The following MDC1 variants were observed in gnomAD, a reference collection of about 807,000 sequenced individuals.
MDC1 encodes mediator of DNA damage checkpoint protein 1.
A neutral mutation model predicts 142.5 loss-of-function variants in MDC1; 81 were observed. That is an observed-to-expected ratio of 0.57 (90% confidence interval 0.47 to 0.68). MDC1 has a LOEUF of 0.68. Among genes scored for constraint, MDC1 ranks in the 30% least tolerant of loss-of-function variants. The pLI is 0.00. For missense variants in MDC1, 2,119 were observed against 2,547.9 expected, an observed-to-expected ratio of 0.83 and a Z score of 3.62; for synonymous variants, 797 against 968.4, an observed-to-expected ratio of 0.82 and a Z score of 3.29.
rs1773728314 is a variant in MDC1, at chr6:30,705,978, G to A, written c.3205C>T (p.Pro1069Ser). 2 of 1,613,488 alleles carry A rather than the reference G, an allele frequency of 1.2e-6. No individual in the cohort carries two copies. Among genetic ancestry groups the A allele is most frequent in the African/African-American group, 1.3e-5 (1 of 74,846 alleles). ...GTTGGCTTGATAGAAGGTAAAAGGGGAGAAAGAAGGGGCGGAGGTGCAAGA... is the reference window on the plus strand; with the variant it reads ...GTTGGCTTGATAGAAGGTAAAAGGGAAGAAAGAAGGGGCGGAGGTGCAAGA... ...KHLAPPPLLS[P>S]LLPSIKPTVR... Residue 1069 changes from proline (P) to serine (S), a missense_variant, in exon 10 of 15, where the codon CCC becomes TCC. Transcript: ENST00000376406.
At chr6:30,710,378 T>C (rs188233313) in intron 7 of MDC1, among the ~76,000 whole-genome samples, 54 of 152,238 alleles carry the variant, frequency 3.5e-4, no homozygotes, top group African/African-American at 1.2e-3. Context: ...CATGAGGCAC[T>C]GTGCCCGGCC....
At position 30,707,797 on chromosome 6, in the gene MDC1, ACT is replaced by A. The variant is rs767249482; in HGVS notation, c.2780_2781del (p.Glu927ValfsTer88). 3.0e-5 allele frequency: 49 copies of A among 1,612,258 alleles called. 1 individual carries two copies. Among genetic ancestry groups the A allele is most frequent in the African/African-American group, 4.0e-5 (3 of 74,604 alleles). On this transcript the variant is annotated frameshift_variant, in exon 8 of 15. Coordinates refer to ENST00000376406, the MANE Select transcript of MDC1 (RefSeq NM_014641.3). LOFTEE classifies it high-confidence loss of function. ...REVERPVANR[E>X]CDPAELEEKV... Reference sequence around the variant, plus strand: ...TTCTCTTCTAACTCGGCTGGATCGCACTCTCTGTTTGCTACTGGTCTCTCTAC... The same window carrying A: ...TTCTCTTCTAACTCGGCTGGATCGCACTCTGTTTGCTACTGGTCTCTCTAC...
In MDC1 at chr6:30,707,754, A is replaced by T; in HGVS notation, c.2825T>A (p.Leu942Gln). ...ELEEKVPKVI[L>Q]ERDTQRGEPE... ...CTCCCCTCTCTGTGTATCTCTCTCCAGGATCACTTTGGGCACCTTCTCTTC... is the reference window on the plus strand; with the variant it reads ...CTCCCCTCTCTGTGTATCTCTCTCCTGGATCACTTTGGGCACCTTCTCTTC... The change falls in exon 8 of 15, where the codon CTG becomes CAG. Residue 942 changes from leucine (L) to glutamine (Q), a missense_variant. Physicochemically the swap from Leu to Gln is moderately radical, Grantham distance 113. Transcript: ENST00000376406. 6.2e-7 allele frequency: 1 copy of T among 1,613,080 alleles called. No homozygotes were observed. The highest frequency in any genetic ancestry group is 8.5e-7 in the Non-Finnish European group (1 of 1,180,024).
At position 30,713,045 on chromosome 6, in the gene MDC1, A is replaced by G. The variant is rs764961152; in HGVS notation, c.897T>C (p.Ser299=). Residue 299 remains serine, a synonymous_variant, in exon 5 of 15, where the codon AGT becomes AGC. Coordinates refer to ENST00000376406, the MANE Select transcript of MDC1 (RefSeq NM_014641.3). The surrounding 1 kb of genome is among the most constrained non-coding windows in gnomAD (Gnocchi z 4.9). ...LERSQPPGED[S]DTDVDDDSRP... ...TGCTGTCATCATCCACATCTGTGTC[A>G]CTGTCCTCTCCAGGAGGTTGGCTCC... 9 of 1,612,938 alleles carry G rather than the reference A, an allele frequency of 5.6e-6. No homozygotes were observed. Among genetic ancestry groups the G allele is most frequent in the Non-Finnish European group, 7.6e-6 (9 of 1,179,912 alleles).
intron 9 of MDC1, among the ~76,000 whole-genome samples, chr6:30,706,619 CT>C (rs1453506114): frequency 0.013 from 546 of 40,474 alleles, 2 homozygotes; most frequent in Admixed American, 0.029. Flanking sequence ...AAGACTCTGT[CT>C]AAAAAAAAAA....
chr6:30,705,029 G>A lies in MDC1; in HGVS notation c.4154C>T (p.Pro1385Leu). Residue 1385 changes from proline (P) to leucine (L), a missense_variant, in exon 10 of 15, where the codon CCT becomes CTT. Pro to Leu is a moderately conservative substitution (Grantham distance 98, BLOSUM62 -3). Coordinates refer to ENST00000376406, the MANE Select transcript of MDC1 (RefSeq NM_014641.3). ...PSTSTEQPVTPEPTSRATRGR... is the reference protein window; with the variant it reads ...PSTSTEQPVTLEPTSRATRGR... The stretch of plus-strand genomic sequence containing the variant: ...CCTAGTAGCCCGAGATGTGGGCTCA[G>A]GGGTGACAGGCTGCTCTGTGGAGGT... The A allele has an allele frequency of 6.2e-7, 1 of 1,612,224 alleles. No individual in the cohort carries two copies. The highest frequency in any genetic ancestry group is 8.5e-7 in the Non-Finnish European group (1 of 1,179,382).
rs1377196178 is a variant in MDC1, at chr6:30,705,344, G to T, written c.3839C>A (p.Thr1280Asn). The T allele has an allele frequency of 6.2e-7, 1 of 1,603,914 alleles. No individual in the cohort carries two copies. The highest frequency in any genetic ancestry group is 2.3e-5 in the East Asian group (1 of 43,392). ...RGRKNRSSVK[T>N]PEPVVPTAPE... ...GGCTGTGGGCACAACTGGTTCAGGG[G>T]TCTTGACAGAGGATCTATTTTTTCT... is the stretch of plus-strand genomic sequence containing the variant. Residue 1280 changes from threonine to asparagine, a missense_variant, in exon 10 of 15, where the codon ACC (threonine) becomes AAC (asparagine). By Grantham distance (65) the Thr-to-Asn change is moderately conservative (BLOSUM62 0). Transcript: ENST00000376406.
chr6:30,700,578 G>A lies in MDC1; in HGVS notation c.6157C>T (p.Leu2053=). ...PQDFPHCSIP[L]RVGLPLLSPE... ...GAGAGGAGGGGCAGCCCAACCCGTA[G>A]TGGAATGGAGCAATGAGGGAAGTCC... is the stretch of plus-strand genomic sequence containing the variant. The change falls in exon 15 of 15, where the codon CTA becomes TTA. Residue 2053 remains leucine (L), a synonymous_variant. Transcript: ENST00000376406. 6.2e-7 allele frequency: 1 copy of A among 1,613,010 alleles called. No individual in the cohort carries two copies. The highest frequency in any genetic ancestry group is 8.5e-7 in the Non-Finnish European group (1 of 1,180,016).
rs115025313 is a variant in MDC1, at chr6:30,711,291, C to T, written c.2221+121G>A. 4.1e-4 allele frequency: 345 copies of T among 848,270 alleles called. 8 individuals carry two copies. The highest frequency in any genetic ancestry group is 2.9e-3 in the African/African-American group (171 of 59,764). The allele number at this position is 848,270 out of a possible 1,614,324, so 52.5% of individuals were successfully genotyped here. On this transcript the variant is annotated intron_variant, in intron 7 of 14. Transcript: ENST00000376406. ...CCTGGGAAGCTGAAGGAAGAGAAAC[C>T]GCCTGGGAGGCGGAGGTTACAGTGA...
intron 14 of MDC1, among the ~76,000 whole-genome samples, chr6:30,701,646 A>T (rs141884962): frequency 0.019 from 2,903 of 152,290 alleles, 40 homozygotes; most frequent in South Asian, 0.064. Flanking sequence ...TTAAGAAGAT[A>T]ATAGGTGTGG....
chr6:30,710,300 G>A (rs1186997797), intron 7 of MDC1, among the ~76,000 whole-genome samples: 1 of 152,148 alleles, frequency 6.6e-6, no homozygotes, highest in African/African-American at 2.4e-5. Flanking sequence ...TGTTGGCCAG[G>A]CTGGTCTCAA....
chr6:30,702,882 G>A lies in MDC1; in HGVS notation c.5866-5C>T. 1 of 1,612,982 alleles carries A rather than the reference G, an allele frequency of 6.2e-7. No individual in the cohort carries two copies. Among genetic ancestry groups the A allele is most frequent in the South Asian group, 1.1e-5 (1 of 91,090 alleles). Reference sequence around the variant, plus strand: ...GAAGAAACCAGCCTTGCGGGACTAAGGACGGCAGCAGTCAGCATCAAAGCT... The same window carrying A: ...GAAGAAACCAGCCTTGCGGGACTAAAGACGGCAGCAGTCAGCATCAAAGCT... On this transcript the variant is annotated splice_polypyrimidine_tract_variant and splice_region_variant and intron_variant, in intron 12 of 14. Coordinates refer to ENST00000376406, the MANE Select transcript of MDC1 (RefSeq NM_014641.3).
Position 30,712,316 on chromosome 6 carries a change from C to T in MDC1, c.1626G>A (p.Gln542=). 1 of 1,613,116 alleles carries T rather than the reference C, an allele frequency of 6.2e-7. No homozygotes were observed. The highest frequency in any genetic ancestry group is 1.1e-5 in the South Asian group (1 of 91,082). The change falls in exon 5 of 15, where the codon CAG becomes CAA. Residue 542 remains glutamine (Q), a synonymous_variant. Transcript: ENST00000376406. The surrounding 1 kb of genome is among the most constrained non-coding windows in gnomAD (Gnocchi z 4.7). ...GSAIIHIKKH[Q]VSVEGTNQTD... ...TTTGATTTGTCCCCTCCACAGACAC[C>T]TGATGCTTCTTTATATGTATAATGG...
Position 30,711,480 on chromosome 6 carries a change from G to T in MDC1, c.2153C>A (p.Pro718His). 1 of 1,613,098 alleles carries T rather than the reference G, an allele frequency of 6.2e-7. No individual in the cohort carries two copies. Among genetic ancestry groups the T allele is most frequent in the Non-Finnish European group, 8.5e-7 (1 of 1,180,016 alleles). ...LEAVQSMEDE[P>H]TQAFMLTPPQ... The stretch of plus-strand genomic sequence containing the variant: ...TGGAGTCAACATGAAGGCCTGGGTA[G>T]GTTCATCCTCCATGCTCTGGACTGC... The change falls in exon 7 of 15, where the codon CCT (proline) becomes CAT (histidine). Residue 718 changes from proline (P) to histidine (H), a missense_variant. Pro to His is a moderately conservative substitution (Grantham distance 77). Transcript: ENST00000376406.
At position 30,712,823 on chromosome 6, in the gene MDC1, C is replaced by A. The variant is rs2127718128; in HGVS notation, c.1119G>T (p.Gln373His). 6.2e-7 allele frequency: 1 copy of A among 1,613,052 alleles called. No homozygotes were observed. The highest frequency in any genetic ancestry group is 8.5e-7 in the Non-Finnish European group (1 of 1,180,014). Residue 373 changes from glutamine (Q) to histidine (H), a missense_variant, in exon 5 of 15, where the codon CAG becomes CAT. Transcript: ENST00000376406. This position sits in a 1 kb window ranked among gnomAD's most constrained non-coding sequence, Gnocchi z 4.7. ...CTTCCACATCTGTATCACTACCAGCCTGGCTCTCCTGCAGATGGGCCAGGC... is the reference window on the plus strand; with the variant it reads ...CTTCCACATCTGTATCACTACCAGCATGGCTCTCCTGCAGATGGGCCAGGC... The part of the protein sequence containing the change: ...APGLAHLQES[Q>H]AGSDTDVEEG...
chr6:30,704,238 T>G lies in MDC1; in HGVS notation c.4945A>C (p.Thr1649Pro). Residue 1649 changes from threonine (T) to proline (P), a missense_variant, in exon 10 of 15, where the codon ACT becomes CCT. Transcript: ENST00000376406. ...RRKTNRSSVK[T>P]PKPVEPAASD... ...GCTGCTGGTTCAACTGGTTTGGGAG[T>G]CTTGACAGAGGACCTATTTGTCTTT... is the stretch of plus-strand genomic sequence containing the variant. 6.2e-7 allele frequency: 1 copy of G among 1,612,870 alleles called. No individual in the cohort carries two copies. The highest frequency in any genetic ancestry group is 8.5e-7 in the Non-Finnish European group (1 of 1,179,668).
chr6:30,711,131 T>C (rs1345707806), intron 7 of MDC1, among the ~76,000 whole-genome samples: 2 of 152,164 alleles, frequency 1.3e-5, no homozygotes, highest in Non-Finnish European at 2.9e-5. Flanking sequence ...TTCCAGCATT[T>C]TGGGAGGCCG....
rs1019891573 is a variant in MDC1 at position 30,706,713 on chromosome 6, C to T, written c.3085-615G>A. ...CTGGGAGGCTGAGGGAGGAGAGTCG[C>T]TTGAACCCGGGAGGCAGAGGTTGCA... On this transcript the variant is annotated intron_variant, in intron 9 of 14. Transcript: ENST00000376406. 2.0e-5 allele frequency among the ~76,000 whole-genome samples: 3 copies of T among 149,506 alleles called. No homozygotes were observed. The Admixed American group carries it at 2.0e-4, about 10-fold the overall frequency.
In MDC1 at chr6:30,705,952, G is replaced by C. The variant is rs556389160; in HGVS notation, c.3231C>G (p.Thr1077=). The C allele has an allele frequency of 2.5e-6, 4 of 1,613,940 alleles. No individual in the cohort carries two copies. The highest frequency in any genetic ancestry group is 2.2e-5 in the South Asian group (2 of 91,078). Residue 1077 remains threonine, a synonymous_variant, in exon 10 of 15, where the codon ACC becomes ACG. Coordinates refer to ENST00000376406, the MANE Select transcript of MDC1 (RefSeq NM_014641.3). ...LSPLLPSIKP[T]VRKTRQDGSQ... ...TCCCATCTTGCCTGGTCTTACGAACGGTTGGCTTGATAGAAGGTAAAAGGG... is the reference window on the plus strand; with the variant it reads ...TCCCATCTTGCCTGGTCTTACGAACCGTTGGCTTGATAGAAGGTAAAAGGG...
Sources: allele counts gnomAD v4.1 joint callset (sites outside exome capture counted in the v4.1 genomes callset), GRCh38; gene constraint gnomAD v4.1.1; non-coding constraint Gnocchi (gnomAD v3.1); transcripts MANE v1.5; gene names NCBI Gene and HGNC (gene_info 2026-07-23, HGNC 2026-07-21).